The following CDH11 variants were observed in gnomAD, a reference collection of about 807,000 sequenced individuals.
The protein encoded by CDH11 is cadherin 11, also known as cadherin-11.
Under a neutral mutation model 67.8 loss-of-function variants are expected in CDH11, and 11 were observed. The ratio of observed to expected loss-of-function variants is 0.16; its 90% CI spans 0.10 to 0.27. The LOEUF (loss-of-function observed/expected upper bound fraction) is 0.27. Among genes scored for constraint, CDH11 ranks in the 10% least tolerant of loss-of-function variants. CDH11 has a pLI of 1.00. For synonymous variants in CDH11, 419 were observed against 400.0 expected (o/e 1.05, Z -0.57); for missense variants, 847 against 1,031.2 (o/e 0.82, Z 2.45).
intron 11 of CDH11, among the ~76,000 whole-genome samples, chr16:64,953,410 A>G (rs543555557): frequency 2.0e-5 from 3 of 152,166 alleles, no homozygotes; most frequent in East Asian, 3.9e-4. Context: ...GATATGACCA[A>G]TTCTCTGTCC....
chr16:65,052,049 G>A (rs546174291), intron 2 of CDH11, among the ~76,000 whole-genome samples: 1 of 152,234 alleles, frequency 6.6e-6, no homozygotes, highest in East Asian at 1.9e-4. Flanking sequence ...AACATCCTTA[G>A]GAACCTGACA....
chr16:64,985,183 C>T (rs1191609512), intron 7 of CDH11: 2 of 152,136 alleles, frequency 1.3e-5, no homozygotes, highest in African/African-American at 4.8e-5. Flanking sequence ...TGTCCAAATA[C>T]CCCAAGGGTA....
chr16:64,948,695 C>T, intron 12 of CDH11: 1 of 1,606,882 alleles, frequency 6.2e-7, no homozygotes, highest in Non-Finnish European at 8.5e-7. Context: ...CTTCTGTTTA[C>T]TTTAACATAG....
intron 2 of CDH11, among the ~76,000 whole-genome samples, chr16:65,016,148 T>C (rs546367074): frequency 5.8e-4 from 89 of 152,330 alleles, no homozygotes; most frequent in South Asian, 5.8e-3. Flanking sequence ...CATTTTTAAA[T>C]GGCTTTTTCG....
rs529917059 is a variant in CDH11, at chr16:64,950,837, G to A, written c.1824C>T (p.Ala608=). ...NGALLSCNAE[A]YILNAGLSTG... Reference sequence around the variant, plus strand: ...TGCTCAGGCCGGCGTTCAGAATGTAGGCCTCTGCGTTGCAGGAGAGCAGTG... The same window carrying A: ...TGCTCAGGCCGGCGTTCAGAATGTAAGCCTCTGCGTTGCAGGAGAGCAGTG... Residue 608 remains alanine, a synonymous_variant, in exon 12 of 13, where the codon GCC becomes GCT. Transcript: ENST00000268603. 2.5e-6 allele frequency: 4 copies of A among 1,614,188 alleles called. No individual in the cohort carries two copies. The African/African-American group carries it at 5.3e-5, about 22-fold the overall frequency.
At chr16:65,030,626 A>G (rs920811887) in intron 2 of CDH11, among the ~76,000 whole-genome samples, 1 of 152,144 alleles carries the variant, frequency 6.6e-6, no homozygotes, top group African/African-American at 2.4e-5. Context: ...GCTGGAGTGG[A>G]GTGGGGCCGT....
chr16:65,077,597 C>T (rs1310164389), intron 1 of CDH11, among the ~76,000 whole-genome samples: 1 of 152,114 alleles, frequency 6.6e-6, no homozygotes, highest in Non-Finnish European at 1.5e-5. Context: ...TACCATGTAC[C>T]CTGTAGTCAA....
At chr16:65,022,308 C>G (rs1486346589) in intron 2 of CDH11, among the ~76,000 whole-genome samples, 1 of 151,992 alleles carries the variant, frequency 6.6e-6, no homozygotes, top group African/African-American at 2.4e-5. Context: ...TTACTTGGAA[C>G]TCTAACCATG....
intron 4 of CDH11, among the ~76,000 whole-genome samples, chr16:64,995,729 A>G (rs2142503155): frequency 6.6e-6 from 1 of 152,306 alleles, no homozygotes; most frequent in East Asian, 1.9e-4. Context: ...TGCAACAAAA[A>G]TAAAAATTGA....
chr16:65,041,216 G>A (rs1349772460), intron 2 of CDH11, among the ~76,000 whole-genome samples: 6 of 152,132 alleles, frequency 3.9e-5, no homozygotes, highest in African/African-American at 1.2e-4. Context: ...CATGTTTTCC[G>A]TATTTTCTTT....
intron 1 of CDH11, among the ~76,000 whole-genome samples, chr16:65,060,786 G>A (rs2142739773): frequency 6.6e-6 from 1 of 152,124 alleles, no homozygotes; most frequent in African/African-American, 2.4e-5. Context: ...TAGAAGAATG[G>A]TGATTTTTAC....
At chr16:65,101,282 C>G (rs2074987046) in intron 1 of CDH11, among the ~76,000 whole-genome samples, 1 of 152,140 alleles carries the variant, frequency 6.6e-6, no homozygotes, top group Non-Finnish European at 1.5e-5. Flanking sequence ...TGAGGAGAGA[C>G]AGGCATGCAC....
chr16:64,975,999 G>T (rs528175291), intron 8 of CDH11, among the ~76,000 whole-genome samples: 1 of 152,336 alleles, frequency 6.6e-6, no homozygotes, highest in South Asian at 2.1e-4. Flanking sequence ...GAAGTCAGGG[G>T]TGGAAACAGC....
At chr16:64,972,806 A>G in intron 9 of CDH11, 98 bp downstream of exon 9, 1 of 1,296,646 alleles carries the variant, frequency 7.7e-7, no homozygotes. Context: ...TAAGACCAAA[A>G]AAGTTAGTCT....
chr16:65,000,260 A>G (rs984019645), intron 3 of CDH11, among the ~76,000 whole-genome samples: 6 of 152,124 alleles, frequency 3.9e-5, no homozygotes, highest in African/African-American at 1.4e-4. Context: ...CAAAAATCAC[A>G]TCTGGTTTTC....
rs1360536193 is a variant in CDH11 at position 65,004,765 on chromosome 16, G to C, written c.105C>G (p.Phe35Leu). 1 of 1,608,870 alleles carries C rather than the reference G, an allele frequency of 6.2e-7. No homozygotes were observed. Among genetic ancestry groups the C allele is most frequent in the African/African-American group, 1.3e-5 (1 of 74,758 alleles). ...PERRGHLRPS[F>L]HGHHEKGKEG... ...CCTTGCCCTTCTCATGGTGCCCATGGAAGGAGGGCCGCAGGTGCCCCCGCC... is the reference window on the plus strand; with the variant it reads ...CCTTGCCCTTCTCATGGTGCCCATGCAAGGAGGGCCGCAGGTGCCCCCGCC... The change falls in exon 3 of 13, where the codon TTC becomes TTG. Residue 35 changes from phenylalanine (F) to leucine (L), a missense_variant. By Grantham distance (22) the Phe-to-Leu change is conservative (BLOSUM62 0). Transcript: ENST00000268603.
In CDH11 at chr16:64,951,016, T is replaced by C. The variant is rs1254593037; in HGVS notation, c.1645A>G (p.Asn549Asp). 1.2e-6 allele frequency: 2 copies of C among 1,611,936 alleles called. No homozygotes were observed. The highest frequency in any genetic ancestry group is 2.7e-5 in the African/African-American group (2 of 74,926). ...PNFTVRDNRD[N>D]TAGVYARRGG... ...CGCCGGGCGTACACGCCTGCTGTGT[T>C]ATCTGCAGAAAGAGGGGAGACAGGC... Residue 549 changes from asparagine to aspartate, a missense_variant and splice_region_variant, in exon 12 of 13, where the codon AAC (asparagine) becomes GAC (aspartate). Physicochemically the swap from Asn to Asp is conservative, Grantham distance 23 (BLOSUM62 1). Coordinates refer to ENST00000268603, the MANE Select transcript of CDH11 (RefSeq NM_001797.4).
chr16:65,007,805 G>A (rs1212632030), intron 2 of CDH11, among the ~76,000 whole-genome samples: 1 of 152,186 alleles, frequency 6.6e-6, no homozygotes, highest in Non-Finnish European at 1.5e-5. Flanking sequence ...GGAAACTTCT[G>A]AATGGATGGG....
chr16:65,052,255 C>G (rs117419456), intron 2 of CDH11, among the ~76,000 whole-genome samples: 1 of 152,050 alleles, frequency 6.6e-6, no homozygotes, highest in East Asian at 1.9e-4. Flanking sequence ...CCAAATAAGT[C>G]CTGTCCTCAA....
Sources: gnomAD v4.1 joint callset for allele counts (sites outside exome capture counted in the v4.1 genomes callset) on GRCh38, gnomAD v4.1.1 for gene constraint, MANE v1.5 for transcripts, NCBI Gene and HGNC (gene_info 2026-07-23, HGNC 2026-07-21) for gene names.